The following STK24 variants were observed in gnomAD, a reference collection of about 807,000 sequenced individuals.
The protein encoded by STK24 is serine/threonine kinase 24, also known as serine/threonine-protein kinase 24.
In STK24, 21 loss-of-function variants were observed where a neutral mutation model predicts 55.6. The ratio of observed to expected loss-of-function variants is 0.38; its 90% CI spans 0.27 to 0.54. The LOEUF (loss-of-function observed/expected upper bound fraction) is 0.54, where lower values mean the gene tolerates loss of function less well. STK24 is among the 20% of genes least tolerant of loss of function. The pLI is 0.79. For missense variants in STK24, 383 were observed against 538.4 expected (o/e 0.71, Z 2.86); for synonymous variants, 200 against 215.2 (o/e 0.93, Z 0.62).
chr13:98,560,178 G>C (rs764096429), intron 1 of STK24, among the ~76,000 whole-genome samples: 1 of 152,216 alleles, frequency 6.6e-6, no homozygotes, highest in Non-Finnish European at 1.5e-5. Context: ...CCAACAGGCA[G>C]ACACCTCCCC....
chr13:98,459,732 C>T (rs1893621937), intron 9 of STK24, among the ~76,000 whole-genome samples: 1 of 152,266 alleles, frequency 6.6e-6, no homozygotes, highest in African/African-American at 2.4e-5. Flanking sequence ...ACCTCAAAGG[C>T]AGCCTCAGCC....
At chr13:98,487,856 T>C (rs910674845) in intron 2 of STK24, among the ~76,000 whole-genome samples, 1 of 152,186 alleles carries the variant, frequency 6.6e-6, no homozygotes, top group African/African-American at 2.4e-5. Context: ...ATCTGAATTT[T>C]TAACAGATAC....
At chr13:98,456,579 G>A (rs781058745) in intron 10 of STK24, 1 of 486,780 alleles carries the variant, frequency 2.1e-6, no homozygotes, top group Non-Finnish European at 4.2e-6. Context: ...AGTTGGGAGG[G>A]GGCAGGGAGG....
rs2139189670 is a variant in STK24, at chr13:98,448,113, T to A, written c.*5060A>T. 1 of 783,612 alleles carries A rather than the reference T, an allele frequency of 1.3e-6. No homozygotes were observed. Among genetic ancestry groups the A allele is most frequent in the South Asian group, 1.5e-5 (1 of 65,180 alleles). The allele number at this position is 783,612 out of a possible 1,614,324, so 48.5% of individuals were successfully genotyped here. ...GCTGGCTGTTCCCTTGCTCTTCTGC[T>A]GAAGTGGCAGATTACCAACCAGGCG... On this transcript the variant is annotated 3_prime_UTR_variant, in exon 11 of 11. Transcript: ENST00000539966.
rs1310097863 is a variant in STK24, at chr13:98,511,870, G to A, written c.273+7373C>T. On this transcript the variant is annotated intron_variant, in intron 2 of 10. Transcript: ENST00000539966. Reference sequence around the variant, plus strand: ...TCTATACATATGTTACAACACATAGGACTATACATCCAAGAGTGAGTTTTA... The same window carrying A: ...TCTATACATATGTTACAACACATAGAACTATACATCCAAGAGTGAGTTTTA... Among the ~76,000 whole-genome samples, 6 of 151,680 alleles carry A rather than the reference G, an allele frequency of 4.0e-5. No individual in the cohort carries two copies. The East Asian group carries it at 1.2e-3, about 29-fold the overall frequency.
At chr13:98,505,757 A>C (rs909610364) in intron 2 of STK24, among the ~76,000 whole-genome samples, 1 of 152,250 alleles carries the variant, frequency 6.6e-6, no homozygotes, top group African/African-American at 2.4e-5. Flanking sequence ...AACTAACTGC[A>C]CAGCTAGCAA....
In STK24 at chr13:98,457,248, T is replaced by C. The variant is rs1893502698; in HGVS notation, c.1179A>G (p.Arg393=). 2 of 1,613,688 alleles carry C rather than the reference T, an allele frequency of 1.2e-6. No individual in the cohort carries two copies. Among genetic ancestry groups the C allele is most frequent in the Non-Finnish European group, 1.7e-6 (2 of 1,180,030 alleles). ...CCTCCTCCGCTAGGTAGATGGCCCC[T>C]CGCAGCTCTTCAATGGACCCCAAGT... ...GGNLGSIEEL[R]GAIYLAEEAC... The change falls in exon 10 of 11, where the codon CGA becomes CGG. Residue 393 remains arginine, a synonymous_variant. Transcript: ENST00000539966.
At chr13:98,561,820 T>C (rs540098457) in intron 1 of STK24, among the ~76,000 whole-genome samples, 2 of 150,822 alleles carry the variant, frequency 1.3e-5, no homozygotes, top group Non-Finnish European at 3.0e-5. Context: ...CTACTAAAAA[T>C]ACAAAAATTA....
chr13:98,476,581 G>A (rs1278585863), intron 3 of STK24, among the ~76,000 whole-genome samples: 2 of 152,262 alleles, frequency 1.3e-5, no homozygotes, highest in South Asian at 2.1e-4. Flanking sequence ...CGACTCAGGC[G>A]TGCACATCTC....
chr13:98,563,533 T>G (rs939037840), intron 1 of STK24, among the ~76,000 whole-genome samples: 5 of 152,138 alleles, frequency 3.3e-5, no homozygotes, highest in Non-Finnish European at 5.9e-5. Flanking sequence ...TATAATGTGC[T>G]GTTTACCCTT....
intron 5 of STK24, among the ~76,000 whole-genome samples, chr13:98,467,244 G>C (rs1196100283): frequency 2.0e-5 from 3 of 152,158 alleles, no homozygotes; most frequent in Admixed American, 2.0e-4. Flanking sequence ...TGCCATACGA[G>C]CTTTGTCCAT....
chr13:98,506,287 G>A (rs184767405), intron 2 of STK24, among the ~76,000 whole-genome samples: 55 of 152,322 alleles, frequency 3.6e-4, no homozygotes, highest in South Asian at 1.2e-3. Context: ...ATGCAAAGGT[G>A]ACAAGGAAAT....
intron 2 of STK24, chr13:98,508,960 T>C (rs1895786866): frequency 6.6e-6 from 1 of 152,228 alleles, no homozygotes; most frequent in Non-Finnish European, 1.5e-5. Flanking sequence ...AGAGCTCCTG[T>C]TCACAGACTA....
intron 7 of STK24, among the ~76,000 whole-genome samples, chr13:98,463,375 A>T (rs1301250361): frequency 1.3e-5 from 2 of 152,216 alleles, no homozygotes; most frequent in Admixed American, 6.5e-5. Context: ...TCACCTGATC[A>T]GGGTTTTACA....
chr13:98,461,970 G>A (rs1407130465), intron 7 of STK24, 73 bp from the exon 8 acceptor site: 1 of 1,584,038 alleles, frequency 6.3e-7, no homozygotes, highest in East Asian at 2.3e-5. Context: ...CGTTCAGGGG[G>A]AGGCCGCCTG....
chr13:98,446,249 T>C lies in STK24; in HGVS notation c.*6924A>G. 1 of 1,363,332 alleles carries C rather than the reference T, an allele frequency of 7.3e-7. No individual in the cohort carries two copies. Among genetic ancestry groups the C allele is most frequent in the Non-Finnish European group, 1.0e-6 (1 of 956,820 alleles). 84.5% of individuals were successfully genotyped at this position (1,363,332 alleles called of 1,614,324 possible). On this transcript the variant is annotated 3_prime_UTR_variant, in exon 11 of 11. Coordinates refer to ENST00000539966, the MANE Select transcript of STK24 (RefSeq NM_001032296.4). Reference sequence around the variant, plus strand: ...GCAGGTGGCCCTGGGACCTTGGGGGTGGCAGCATGAGGTGAGGGGGCCGCC... The same window carrying C: ...GCAGGTGGCCCTGGGACCTTGGGGGCGGCAGCATGAGGTGAGGGGGCCGCC...
Position 98,445,415 on chromosome 13 carries a change from C to T in STK24, c.*7758G>A, listed in dbSNP as rs1892763619. The stretch of plus-strand genomic sequence containing the variant: ...GCATGGACACAGGTGCCTGTCCCTG[C>T]CCCCTAGCTGGGCTGCAGCGCATCC... On this transcript the variant is annotated 3_prime_UTR_variant, in exon 11 of 11. Coordinates refer to ENST00000539966, the MANE Select transcript of STK24 (RefSeq NM_001032296.4). 1 of 152,192 alleles carries T rather than the reference C, an allele frequency of 6.6e-6. No individual in the cohort carries two copies. Among genetic ancestry groups the T allele is most frequent in the Non-Finnish European group, 1.5e-5 (1 of 68,022 alleles). 9.4% of individuals were successfully genotyped at this position (152,192 alleles called of 1,614,324 possible).
intron 1 of STK24, among the ~76,000 whole-genome samples, chr13:98,524,113 G>T (rs568169792): frequency 3.3e-5 from 5 of 152,274 alleles, no homozygotes; most frequent in African/African-American, 4.8e-5. Flanking sequence ...GGGAAGTGAG[G>T]AGATGCTGGA....
intron 1 of STK24, among the ~76,000 whole-genome samples, chr13:98,545,815 T>C (rs1432727445): frequency 6.6e-6 from 1 of 152,168 alleles, no homozygotes; most frequent in Non-Finnish European, 1.5e-5. Flanking sequence ...CTGAATTATA[T>C]TACACCAAAC....
Sources: allele counts gnomAD v4.1 joint callset (sites outside exome capture counted in the v4.1 genomes callset), GRCh38; gene constraint gnomAD v4.1.1; transcripts MANE v1.5; gene names NCBI Gene and HGNC (gene_info 2026-07-23, HGNC 2026-07-21).